The following MCCC1 variants were observed in gnomAD, a reference collection of about 807,000 sequenced individuals.
MCCC1 encodes the protein methylcrotonoyl-CoA carboxylase subunit alpha, mitochondrial.
Under a neutral mutation model 83.8 loss-of-function variants are expected in MCCC1, and 64 were observed. That is an observed-to-expected ratio of 0.76 (90% confidence interval 0.62 to 0.94). The LOEUF is 0.94. Ranked by LOEUF, MCCC1 falls within the 40% of genes least tolerant of loss-of-function variation. The pLI, the probability that MCCC1 is intolerant of heterozygous loss-of-function variation, is 0.00. For missense variants in MCCC1, 807 were observed against 904.7 expected, an observed-to-expected ratio of 0.89 and a Z score of 1.39; for synonymous variants, 322 against 315.4, an observed-to-expected ratio of 1.02 and a Z score of -0.22.
rs150305281 is a variant in MCCC1, at chr3:183,017,281, G to T, written c.2034C>A (p.Ile678=). ...ATTTCCTTACCTCCATCTTCATGGC[G>T]ATCATAACCATGAGGGAATCTCCCG... ...VKAGDSLMVM[I]AMKMEHTIKS... is the part of the protein sequence containing the mutation. Residue 678 remains isoleucine, a synonymous_variant, in exon 18 of 19, where the codon ATC becomes ATA. Transcript: ENST00000265594. The T allele has an allele frequency of 3.7e-6, 6 of 1,613,698 alleles. 1 individual carries two copies. The South Asian group carries it at 4.4e-5, about 12-fold the overall frequency.
At chr3:183,068,186 T>C (rs1716394518) in intron 7 of MCCC1, among the ~76,000 whole-genome samples, 1 of 152,178 alleles carries the variant, frequency 6.6e-6, no homozygotes, top group Non-Finnish European at 1.5e-5. Flanking sequence ...CTGGGTAAAA[T>C]AAGGCTAAGA....
intron 7 of MCCC1, among the ~76,000 whole-genome samples, chr3:183,070,542 G>C (rs1380571339): frequency 1.1e-4 from 16 of 152,158 alleles, no homozygotes; most frequent in Admixed American, 6.5e-5. Context: ...AGACCTGCCT[G>C]ACCAACATGG....
intron 1 of MCCC1, among the ~76,000 whole-genome samples, chr3:183,096,421 T>C (rs1718740531): frequency 2.0e-5 from 3 of 152,308 alleles, no homozygotes; most frequent in South Asian, 2.1e-4. Flanking sequence ...TTTTTGTCTA[T>C]ACCTGGAAGA....
chr3:183,053,241 C>A (rs143070983), intron 8 of MCCC1, among the ~76,000 whole-genome samples: 1 of 151,944 alleles, frequency 6.6e-6, no homozygotes, highest in African/African-American at 2.4e-5. Context: ...GAGGCCGAGA[C>A]GGGTGAAGCA....
chr3:183,036,647 C>A (rs1025995556), intron 13 of MCCC1, among the ~76,000 whole-genome samples: 2 of 148,970 alleles, frequency 1.3e-5, no homozygotes, highest in African/African-American at 4.9e-5. Context: ...TCAAGCGATT[C>A]TCTTGTCTCA....
chr3:183,049,550 G>A (rs573753637), intron 9 of MCCC1, among the ~76,000 whole-genome samples: 8 of 146,342 alleles, frequency 5.5e-5, no homozygotes, highest in Non-Finnish European at 9.0e-5. Context: ...CCAGCCTGGC[G>A]ACAGAATGAG....
Position 183,099,490 on chromosome 3 carries a change from G to A in MCCC1, c.-50C>T, listed in dbSNP as rs780606952. 26 of 1,560,348 alleles carry A rather than the reference G, an allele frequency of 1.7e-5. No individual in the cohort carries two copies. The highest frequency in any genetic ancestry group is 1.7e-4 in the Middle Eastern group (1 of 6,026). On this transcript the variant is annotated 5_prime_UTR_variant, in exon 1 of 19. It adds an upstream start codon to the 5' untranslated region. Coordinates refer to ENST00000265594, the MANE Select transcript of MCCC1 (RefSeq NM_020166.5). ...GACTCCCCAGTACAGAGGCAGCTGCGTCCCACACGCCAAACCCGTTCCTCC... is the reference window on the plus strand; with the variant it reads ...GACTCCCCAGTACAGAGGCAGCTGCATCCCACACGCCAAACCCGTTCCTCC...
intron 12 of MCCC1, among the ~76,000 whole-genome samples, chr3:183,037,876 T>C (rs1216931192): frequency 1.3e-5 from 2 of 152,216 alleles, no homozygotes; most frequent in Non-Finnish European, 2.9e-5. Flanking sequence ...TAGGATTAAA[T>C]GCCCTCAAAA....
chr3:183,099,777 C>T (rs566976471), upstream of MCCC1, among the ~76,000 whole-genome samples: 1 of 152,298 alleles, frequency 6.6e-6, no homozygotes, highest in East Asian at 1.9e-4. Flanking sequence ...TCCTGCATCC[C>T]GTGGGGTTTC....
At chr3:183,024,433 TAAC>T (rs1248545724) in intron 15 of MCCC1, among the ~76,000 whole-genome samples, 1 of 152,006 alleles carries the variant, frequency 6.6e-6, no homozygotes, top group Non-Finnish European at 1.5e-5. Flanking sequence ...TCCTATAACT[TAAC>T]AACAACAACA....
upstream of MCCC1, among the ~76,000 whole-genome samples, chr3:183,103,640 G>T (rs1327304242): frequency 6.6e-6 from 1 of 152,192 alleles, no homozygotes; most frequent in Non-Finnish European, 1.5e-5. Flanking sequence ...TAGACGTAAA[G>T]GTTCTCCACG....
At chr3:183,060,766 T>C (rs1715768525) in intron 7 of MCCC1, among the ~76,000 whole-genome samples, 1 of 152,120 alleles carries the variant, frequency 6.6e-6, no homozygotes, top group African/African-American at 2.4e-5. Context: ...GATGTTCCCC[T>C]TCCTGTGTCC....
At chr3:183,066,648 T>G (rs1295822753) in intron 7 of MCCC1, among the ~76,000 whole-genome samples, 2 of 152,202 alleles carry the variant, frequency 1.3e-5, no homozygotes, top group East Asian at 1.9e-4. Context: ...TGTTCTTGAA[T>G]GCAGGTTTCA....
chr3:183,110,575 T>C lies in MCCC1; in HGVS notation c.-102+4899A>G, dbSNP rs150495724. Among the ~76,000 whole-genome samples the C allele has an allele frequency of 7.1e-3, 1,073 of 152,122 alleles. 17 individuals carry two copies. The highest frequency in any genetic ancestry group is 0.025 in the African/African-American group (1,019 of 41,482). On this transcript the variant is annotated intron_variant, in intron 1 of 17. Transcript: ENST00000492597. ...CGCCTGGCTAATTTTTTGTATTTTTTAGTGGAGACGGGGTTTCACTGTGTT... is the reference window on the plus strand; with the variant it reads ...CGCCTGGCTAATTTTTTGTATTTTTCAGTGGAGACGGGGTTTCACTGTGTT...
rs186209189 is a variant in MCCC1 at position 183,071,223 on chromosome 3, C to A, written c.626G>T (p.Gly209Val). 6.2e-7 allele frequency: 1 copy of A among 1,614,220 alleles called. No individual in the cohort carries two copies. The highest frequency in any genetic ancestry group is 2.2e-5 in the East Asian group (1 of 44,886). ...GYPVMIKAVR[G>V]GGGKGMRIVR... ...GCACAATCTTACTTTTCCTCCTCCACCCCGGACGGCTTTAATCATGACAGG... is the reference window on the plus strand; with the variant it reads ...GCACAATCTTACTTTTCCTCCTCCAACCCGGACGGCTTTAATCATGACAGG... Residue 209 changes from glycine (G) to valine (V), a missense_variant, in exon 6 of 19, where the codon GGT becomes GTT. Coordinates refer to ENST00000265594, the MANE Select transcript of MCCC1 (RefSeq NM_020166.5).
chr3:183,093,061 T>C (rs1311676042), intron 2 of MCCC1, among the ~76,000 whole-genome samples: 1 of 152,014 alleles, frequency 6.6e-6, no homozygotes, highest in Non-Finnish European at 1.5e-5. Context: ...GCCTGGCTAA[T>C]TTTTGTATTT....
At chr3:183,016,697 T>C (rs1022192371) in intron 18 of MCCC1, among the ~76,000 whole-genome samples, 4 of 152,226 alleles carry the variant, frequency 2.6e-5, no homozygotes, top group African/African-American at 7.2e-5. Context: ...ATTCAACGTG[T>C]ATGGTTTTGC....
At chr3:183,017,142 A>T in intron 18 of MCCC1, 124 bp downstream of exon 18, 2 of 903,370 alleles carry the variant, frequency 2.2e-6, no homozygotes, top group Non-Finnish European at 1.8e-6. Flanking sequence ...TCCTACAATT[A>T]ATGCTTCGTC....
exon 1 of MCCC1, chr3:183,115,536 CTACT>C (rs1719574171): frequency 6.6e-6 from 1 of 152,296 alleles, no homozygotes; most frequent in Non-Finnish European, 1.5e-5. Flanking sequence ...GTCTCTTCCC[CTACT>C]TATGTTACCA....
Sources: allele counts gnomAD v4.1 joint callset (sites outside exome capture counted in the v4.1 genomes callset), GRCh38; gene constraint gnomAD v4.1.1; transcripts MANE v1.5; gene names NCBI Gene and HGNC (gene_info 2026-07-23, HGNC 2026-07-21).